The following CDPF1 variants were observed in gnomAD, a reference collection of about 807,000 sequenced individuals.
The protein encoded by CDPF1 is cysteine rich DPF motif domain containing 1.
CDPF1 carries 8 observed loss-of-function variants against 8.3 expected under a neutral mutation model. That is an observed-to-expected ratio of 0.96 (90% CI 0.57 to 1.74). The LOEUF (loss-of-function observed/expected upper bound fraction) is 1.74. Among genes scored for constraint, CDPF1 ranks in the 40% most tolerant of loss-of-function variants. CDPF1 has a pLI of 0.00. For missense variants in CDPF1, 151 were observed against 155.3 expected (o/e 0.97, Z 0.15); for synonymous variants, 62 against 62.9 (o/e 0.99, Z 0.07).
At position 46,245,354 on chromosome 22, in the gene CDPF1, G is replaced by A. The variant is rs1236265722; in HGVS notation, c.226-116C>T. 9.5e-7 allele frequency: 1 copy of A among 1,050,882 alleles called. No homozygotes were observed. Among genetic ancestry groups the A allele is most frequent in the East Asian group, 2.5e-5 (1 of 40,452 alleles). The allele number at this position is 1,050,882 out of a possible 1,614,324, so 65.1% of individuals were successfully genotyped here. A position where few individuals can be genotyped will look rare whatever the true frequency, so the allele number is the denominator to read the frequency against. ...CTGGGCTGGGGCCCCAGCATGCACA[G>A]TGTGGGCAGGTGGCCAGAGCTAGAC... On this transcript the variant is annotated intron_variant, in intron 3 of 3. Transcript: ENST00000314567. The surrounding 1 kb of genome is among the most constrained non-coding windows in gnomAD (Gnocchi z 6.9).
rs1053138994 is a variant in CDPF1 at position 46,248,586 on chromosome 22, C to T, written c.1-302G>A. Reference sequence around the variant, plus strand: ...CACCACGGTAAAAGCGTTCCGGTCTCCTGCTCTGCCCCATTCTTTACCACA... The same window carrying T: ...CACCACGGTAAAAGCGTTCCGGTCTTCTGCTCTGCCCCATTCTTTACCACA... On this transcript the variant is annotated intron_variant, in intron 1 of 3. Transcript: ENST00000314567. The surrounding 1 kb of genome is among the most constrained non-coding windows in gnomAD (Gnocchi z 4.1). 6.6e-6 allele frequency among the ~76,000 whole-genome samples: 1 copy of T among 152,230 alleles called. No homozygotes were observed.
rs543195973 is a variant in CDPF1 at position 46,245,611 on chromosome 22, G to C, written c.226-373C>G. 2.0e-5 allele frequency among the ~76,000 whole-genome samples: 3 copies of C among 152,348 alleles called. No individual in the cohort carries two copies. Among genetic ancestry groups the C allele is most frequent in the East Asian group, 1.9e-4 (1 of 5,186 alleles). On this transcript the variant is annotated intron_variant, in intron 3 of 3. Transcript: ENST00000314567. This position sits in a 1 kb window ranked among gnomAD's most constrained non-coding sequence, Gnocchi z 6.9. ...TCGCAGCACGAACAGTGGCCACCTG[G>C]TGCTGGGAGCGGCAGGGGACAGGAA...
chr22:46,246,730 G>A lies in CDPF1; in HGVS notation c.225+380C>T. On this transcript the variant is annotated intron_variant, in intron 3 of 3. Coordinates refer to ENST00000314567, the MANE Select transcript of CDPF1 (RefSeq NM_207327.5). The surrounding 1 kb of genome is among the most constrained non-coding windows in gnomAD (Gnocchi z 7.1). Reference sequence around the variant, plus strand: ...GCAGTAAAACAGGTCCCAAGCACAGGACCTGGCACACAACAAGTGCTCATG... The same window carrying A: ...GCAGTAAAACAGGTCCCAAGCACAGAACCTGGCACACAACAAGTGCTCATG... The A allele has an allele frequency of 6.2e-7, 1 of 1,602,060 alleles. No individual in the cohort carries two copies. The highest frequency in any genetic ancestry group is 8.5e-7 in the Non-Finnish European group (1 of 1,174,796).
chr22:46,248,380 GCA>G lies in CDPF1; in HGVS notation c.1-98_1-97del, dbSNP rs1353289787. On this transcript the variant is annotated intron_variant, in intron 1 of 3. Coordinates refer to ENST00000314567, the MANE Select transcript of CDPF1 (RefSeq NM_207327.5). The surrounding 1 kb of genome is among the most constrained non-coding windows in gnomAD (Gnocchi z 4.1). ...TGAAGACCCTAACCATATAGTCCTA[GCA>G]CAGTTTCTTGCCTCCCTACCGTACC... The G allele has an allele frequency of 1.4e-5, 10 of 736,760 alleles. No individual in the cohort carries two copies. The highest frequency in any genetic ancestry group is 7.0e-5 in the African/African-American group (4 of 56,952). 45.6% of individuals were successfully genotyped at this position (736,760 alleles called of 1,614,324 possible). A position where few individuals can be genotyped will look rare whatever the true frequency, so the allele number is the denominator to read the frequency against.
At position 46,248,747 on chromosome 22, in the gene CDPF1, G is replaced by A. The variant is rs984365811; in HGVS notation, c.1-463C>T. On this transcript the variant is annotated intron_variant, in intron 1 of 3. Coordinates refer to ENST00000314567, the MANE Select transcript of CDPF1 (RefSeq NM_207327.5). This position sits in a 1 kb window ranked among gnomAD's most constrained non-coding sequence, Gnocchi z 4.1. Reference sequence around the variant, plus strand: ...ATTAGAACTGTTTTCTTGGCCAGGCGCAGTGGCTCATGCCTGTAATCCCAG... The same window carrying A: ...ATTAGAACTGTTTTCTTGGCCAGGCACAGTGGCTCATGCCTGTAATCCCAG... Among the ~76,000 whole-genome samples, 9 of 152,194 alleles carry A rather than the reference G, an allele frequency of 5.9e-5. No homozygotes were observed. The highest frequency in any genetic ancestry group is 1.7e-4 in the African/African-American group (7 of 41,446).
At position 46,246,409 on chromosome 22, in the gene CDPF1, C is replaced by T. The variant is rs897586369; in HGVS notation, c.225+701G>A. ...CCTCAGATACTCCCATGCCACACTG[C>T]GGAGGCTCCTCCCACCCTGGCCCAT... On this transcript the variant is annotated intron_variant, in intron 3 of 3. Coordinates refer to ENST00000314567, the MANE Select transcript of CDPF1 (RefSeq NM_207327.5). This position sits in a 1 kb window ranked among gnomAD's most constrained non-coding sequence, Gnocchi z 7.1. 2.0e-5 allele frequency among the ~76,000 whole-genome samples: 3 copies of T among 152,094 alleles called. No individual in the cohort carries two copies. The highest frequency in any genetic ancestry group is 1.9e-4 in the East Asian group (1 of 5,178).
rs760077158 is a variant in CDPF1 at position 46,245,181 on chromosome 22, T to G, written c.283A>C (p.Asn95His). Residue 95 changes from asparagine (N) to histidine (H), a missense_variant, in exon 4 of 4, where the codon AAT becomes CAT. Asn to His is a moderately conservative substitution (Grantham distance 68). Coordinates refer to ENST00000314567, the MANE Select transcript of CDPF1 (RefSeq NM_207327.5). This position sits in a 1 kb window ranked among gnomAD's most constrained non-coding sequence, Gnocchi z 6.9. ...TGCCGAATTTCCTGAGGAAAAGCAT[T>G]GATGTTCTCCCGGACACAAGGGAGG... ...FCLPCVRENI[N>H]AFPQEIRQDL... The G allele has an allele frequency of 1.2e-6, 2 of 1,614,074 alleles. No homozygotes were observed.
Position 46,245,183 on chromosome 22 carries a change from A to C in CDPF1, c.281T>G (p.Ile94Ser), listed in dbSNP as rs1470887155. Residue 94 changes from isoleucine to serine, a missense_variant, in exon 4 of 4, where the codon ATC becomes AGC. Ile to Ser is a moderately radical substitution (Grantham distance 142). Transcript: ENST00000314567. This position sits in a 1 kb window ranked among gnomAD's most constrained non-coding sequence, Gnocchi z 6.9. The part of the protein sequence containing the change: ...RFCLPCVREN[I>S]NAFPQEIRQD... The stretch of plus-strand genomic sequence containing the variant: ...CCGAATTTCCTGAGGAAAAGCATTG[A>C]TGTTCTCCCGGACACAAGGGAGGCA... 1.2e-6 allele frequency: 2 copies of C among 1,614,220 alleles called. No homozygotes were observed. Among genetic ancestry groups the C allele is most frequent in the Admixed American group, 3.3e-5 (2 of 60,028 alleles).
At position 46,248,976 on chromosome 22, in the gene CDPF1, G is replaced by A. The variant is rs922693056; in HGVS notation, c.1-692C>T. 1.3e-5 allele frequency among the ~76,000 whole-genome samples: 2 copies of A among 152,136 alleles called. No individual in the cohort carries two copies. Among genetic ancestry groups the A allele is most frequent in the East Asian group, 1.9e-4 (1 of 5,184 alleles). Reference sequence around the variant, plus strand: ...GGAGCTTGCAGTGAGCCGAGATCGCGTCACTGCACTCCAGCCTGGGAGACA... The same window carrying A: ...GGAGCTTGCAGTGAGCCGAGATCGCATCACTGCACTCCAGCCTGGGAGACA... On this transcript the variant is annotated intron_variant, in intron 1 of 3. Transcript: ENST00000314567. The surrounding 1 kb of genome is among the most constrained non-coding windows in gnomAD (Gnocchi z 4.1).
At position 46,246,104 on chromosome 22, in the gene CDPF1, T is replaced by C. The variant is rs557655052; in HGVS notation, c.226-866A>G. 6.6e-6 allele frequency among the ~76,000 whole-genome samples: 1 copy of C among 152,352 alleles called. No individual in the cohort carries two copies. The highest frequency in any genetic ancestry group is 1.9e-4 in the East Asian group (1 of 5,192). On this transcript the variant is annotated intron_variant, in intron 3 of 3. Transcript: ENST00000314567. This position sits in a 1 kb window ranked among gnomAD's most constrained non-coding sequence, Gnocchi z 7.1. ...CTTATTTTTGGTGTCTGTCTGTTCT[T>C]AAAGCTTAGTGTGCTCGCAAACATA...
chr22:46,249,001 A>G lies in CDPF1; in HGVS notation c.1-717T>C, dbSNP rs1466482130. 6.6e-6 allele frequency among the ~76,000 whole-genome samples: 1 copy of G among 151,826 alleles called. No individual in the cohort carries two copies. Among genetic ancestry groups the G allele is most frequent in the Non-Finnish European group, 1.5e-5 (1 of 68,008 alleles). On this transcript the variant is annotated intron_variant, in intron 1 of 3. Transcript: ENST00000314567. The surrounding 1 kb of genome is among the most constrained non-coding windows in gnomAD (Gnocchi z 4.6). ...GTCACTGCACTCCAGCCTGGGAGAC[A>G]GCGAGACTCCATCTCAAAAAACAAA...
At chr22:46,250,166 C>A (rs111280202) in intron 1 of CDPF1, 90 bp downstream of exon 1, 20,676 of 152,416 alleles carry the variant, frequency 0.14, 1,769 homozygotes, top group African/African-American at 0.24. Context: ...CGGCGCGGAA[C>A]TCAGTCCCGG....
In CDPF1 at chr22:46,248,524, G is replaced by T. The variant is rs1221147582; in HGVS notation, c.1-240C>A. ...CTGCTAGAGAGAAGGATCCAGACAG[G>T]ATCAAGCCAGAGCACCCATCTCTTC... On this transcript the variant is annotated intron_variant, in intron 1 of 3. Transcript: ENST00000314567. This position sits in a 1 kb window ranked among gnomAD's most constrained non-coding sequence, Gnocchi z 4.1. 2.0e-5 allele frequency among the ~76,000 whole-genome samples: 3 copies of T among 152,230 alleles called. No individual in the cohort carries two copies. The highest frequency in any genetic ancestry group is 2.9e-5 in the Non-Finnish European group (2 of 68,042).
In CDPF1 at chr22:46,247,081, G is replaced by A. The variant is rs769151755; in HGVS notation, c.225+29C>T. 3.2e-6 allele frequency: 5 copies of A among 1,553,262 alleles called. No individual in the cohort carries two copies. In the South Asian group the frequency reaches 5.6e-5, roughly 17 times the overall value. On this transcript the variant is annotated intron_variant, in intron 3 of 3. Coordinates refer to ENST00000314567, the MANE Select transcript of CDPF1 (RefSeq NM_207327.5). This position sits in a 1 kb window ranked among gnomAD's most constrained non-coding sequence, Gnocchi z 4.3. ...CTCCAGGATAACCACAGCAAGGACAGGTGGCCCCAGCCCACGCTGCTTACC... is the reference window on the plus strand; with the variant it reads ...CTCCAGGATAACCACAGCAAGGACAAGTGGCCCCAGCCCACGCTGCTTACC...
Position 46,248,567 on chromosome 22 carries a change from G to A in CDPF1, c.1-283C>T, listed in dbSNP as rs909977441. ...ATCTCTTCTTCCAGGTCTGCACCAC[G>A]GTAAAAGCGTTCCGGTCTCCTGCTC... On this transcript the variant is annotated intron_variant, in intron 1 of 3. Coordinates refer to ENST00000314567, the MANE Select transcript of CDPF1 (RefSeq NM_207327.5). The surrounding 1 kb of genome is among the most constrained non-coding windows in gnomAD (Gnocchi z 4.1). 9.9e-5 allele frequency among the ~76,000 whole-genome samples: 15 copies of A among 152,192 alleles called. No individual in the cohort carries two copies. Among genetic ancestry groups the A allele is most frequent in the Admixed American group, 6.5e-4 (10 of 15,276 alleles).
Position 46,245,002 on chromosome 22 carries a change from T to C in CDPF1, c.*90A>G, listed in dbSNP as rs1936463559. ...AGTGGTCCAGAAACAAGGCCAGGCA[T>C]GGCGGCTCCCAGCTCAGCAGCATCC... On this transcript the variant is annotated 3_prime_UTR_variant, in exon 4 of 4. Transcript: ENST00000314567. The surrounding 1 kb of genome is among the most constrained non-coding windows in gnomAD (Gnocchi z 6.9). 2.0e-6 allele frequency: 3 copies of C among 1,522,684 alleles called. No homozygotes were observed. Among genetic ancestry groups the C allele is most frequent in the Non-Finnish European group, 2.7e-6 (3 of 1,122,054 alleles). The allele number at this position is 1,522,684 out of a possible 1,614,324, so 94.3% of individuals were successfully genotyped here.
Position 46,247,305 on chromosome 22 carries a change from A to C in CDPF1, c.114-84T>G. The C allele has an allele frequency of 1.1e-6, 1 of 905,590 alleles. No homozygotes were observed. The highest frequency in any genetic ancestry group is 1.8e-6 in the Non-Finnish European group (1 of 559,134). The allele number at this position is 905,590 out of a possible 1,614,324, so 56.1% of individuals were successfully genotyped here. A position where few individuals can be genotyped will look rare whatever the true frequency, so the allele number is the denominator to read the frequency against. ...CCATGACCTATGGCCAGGCAGCAGC[A>C]GCCTGCACCTCTGCAGGGCCTGCAT... On this transcript the variant is annotated intron_variant, in intron 2 of 3. Coordinates refer to ENST00000314567, the MANE Select transcript of CDPF1 (RefSeq NM_207327.5). This position sits in a 1 kb window ranked among gnomAD's most constrained non-coding sequence, Gnocchi z 4.3.
Position 46,248,066 on chromosome 22 carries a change from G to A in CDPF1, c.113+106C>T, listed in dbSNP as rs1168947378. The A allele has an allele frequency of 1.4e-6, 1 of 707,126 alleles. No individual in the cohort carries two copies. The highest frequency in any genetic ancestry group is 2.4e-6 in the Non-Finnish European group (1 of 416,098). 43.8% of individuals were successfully genotyped at this position (707,126 alleles called of 1,614,324 possible). A position where few individuals can be genotyped will look rare whatever the true frequency, so the allele number is the denominator to read the frequency against. Reference sequence around the variant, plus strand: ...GCATTCAGAGCCTGGCCAGGGTGGGGTCTAAAGCTCCACACCTGAGACAGT... The same window carrying A: ...GCATTCAGAGCCTGGCCAGGGTGGGATCTAAAGCTCCACACCTGAGACAGT... On this transcript the variant is annotated intron_variant, in intron 2 of 3. Coordinates refer to ENST00000314567, the MANE Select transcript of CDPF1 (RefSeq NM_207327.5). The surrounding 1 kb of genome is among the most constrained non-coding windows in gnomAD (Gnocchi z 4.1).
chr22:46,248,205 A>C lies in CDPF1; in HGVS notation c.80T>G (p.Val27Gly). ...LCTLTAPYSY[V>G]GQKPPNTQSM... is the part of the protein sequence containing the mutation. ...CTGGGTGTTGGGGGGCTTCTGTCCCACATAGCTGTACGGAGCTGTCAAGGT... is the reference window on the plus strand; with the variant it reads ...CTGGGTGTTGGGGGGCTTCTGTCCCCCATAGCTGTACGGAGCTGTCAAGGT... The change falls in exon 2 of 4, where the codon GTG becomes GGG. Residue 27 changes from valine to glycine, a missense_variant. By Grantham distance (109) the Val-to-Gly change is moderately radical. Transcript: ENST00000314567. The surrounding 1 kb of genome is among the most constrained non-coding windows in gnomAD (Gnocchi z 4.1). The C allele has an allele frequency of 6.2e-7, 1 of 1,613,620 alleles. No homozygotes were observed. The highest frequency in any genetic ancestry group is 8.5e-7 in the Non-Finnish European group (1 of 1,179,790).
Sources: allele counts gnomAD v4.1 joint callset (sites outside exome capture counted in the v4.1 genomes callset), GRCh38; gene constraint gnomAD v4.1.1; non-coding constraint Gnocchi (gnomAD v3.1); transcripts MANE v1.5; gene names NCBI Gene and HGNC (gene_info 2026-07-23, HGNC 2026-07-21).